Variants in CARS1 observed in about 807,000 individuals in gnomAD.
CARS1 encodes cysteinyl-tRNA synthetase 1.
Under a neutral mutation model 106.2 loss-of-function variants are expected in CARS1, and 48 were observed. The ratio of observed to expected loss-of-function variants is 0.45; its 90% CI spans 0.36 to 0.57. The LOEUF (loss-of-function observed/expected upper bound fraction) is 0.57, where lower values mean the gene tolerates loss of function less well. Ranked by LOEUF, CARS1 falls within the 20% of genes least tolerant of loss-of-function variation. The pLI is 0.00. For missense variants in CARS1, 968 were observed against 1,057.2 expected, an observed-to-expected ratio of 0.92 and a Z score of 1.17; for synonymous variants, 409 against 403.4, an observed-to-expected ratio of 1.01 and a Z score of -0.17.
intron 1 of CARS1, among the ~76,000 whole-genome samples, chr11:3,054,671 T>C (rs1856018064): frequency 6.6e-6 from 1 of 152,222 alleles, no homozygotes; most frequent in African/African-American, 2.4e-5. Context: ...GACAGATTGC[T>C]TGACTTCTCT....
At chr11:3,049,048 G>C (rs1296672478) in intron 1 of CARS1, among the ~76,000 whole-genome samples, 2 of 152,084 alleles carry the variant, frequency 1.3e-5, no homozygotes, top group African/African-American at 4.8e-5. Context: ...TTTTTCATTT[G>C]AGCCCCTGCT....
At position 3,052,255 on chromosome 11, in the gene CARS1, C is replaced by A. The variant is rs541144263; in HGVS notation, c.26-4254G>T. 4.6e-5 allele frequency among the ~76,000 whole-genome samples: 7 copies of A among 152,218 alleles called. No homozygotes were observed. Among genetic ancestry groups the A allele is most frequent in the African/African-American group, 1.7e-4 (7 of 41,462 alleles). The stretch of plus-strand genomic sequence containing the variant: ...GGCTGAGTACCTACACTCACACACA[C>A]GGCGGCATTTCCTCACGGTAAAACA... On this transcript the variant is annotated intron_variant, in intron 1 of 22. Transcript: ENST00000380525. This position sits in a 1 kb window ranked among gnomAD's most constrained non-coding sequence, Gnocchi z 4.6.
At chr11:3,026,949 G>C in intron 9 of CARS1, 152 bp from the exon 10 acceptor site, 1 of 851,288 alleles carries the variant, frequency 1.2e-6, no homozygotes, top group South Asian at 1.8e-5. Flanking sequence ...CGTATCAGCT[G>C]TTTGGACTGA....
In CARS1 at chr11:3,027,166, A is replaced by C. The variant is rs1026114231; in HGVS notation, c.1032-369T>G. ...CTGAGGCTCTTGGCCTCCAAGAAGC[A>C]CTCTAGATTACTCCAGTCTGGAATG... On this transcript the variant is annotated intron_variant, in intron 9 of 22. Coordinates refer to ENST00000380525, the MANE Select transcript of CARS1 (RefSeq NM_001014437.3). 4.0e-5 allele frequency: 7 copies of C among 176,870 alleles called. No homozygotes were observed. The East Asian group carries it at 1.1e-3, about 29-fold the overall frequency. 11.0% of individuals were successfully genotyped at this position (176,870 alleles called of 1,614,324 possible). A position where few individuals can be genotyped will look rare whatever the true frequency, so the allele number is the denominator to read the frequency against.
chr11:3,036,217 G>A (rs774972502), intron 7 of CARS1, among the ~76,000 whole-genome samples: 7 of 152,236 alleles, frequency 4.6e-5, no homozygotes, highest in Non-Finnish European at 7.3e-5. Flanking sequence ...GCTCCTCGCT[G>A]TGTCACTGCT....
rs1197346497 is a variant in CARS1, at chr11:3,050,050, C to T, written c.26-2049G>A. ...ATGCCCCACTGGGCCGAGCTCTTCA[C>T]CCGCCAGGGAGCCTACGGAGCCACG... On this transcript the variant is annotated intron_variant, in intron 1 of 22. Coordinates refer to ENST00000380525, the MANE Select transcript of CARS1 (RefSeq NM_001014437.3). The surrounding 1 kb of genome is among the most constrained non-coding windows in gnomAD (Gnocchi z 6.3). Among the ~76,000 whole-genome samples, 3 of 152,238 alleles carry T rather than the reference C, an allele frequency of 2.0e-5. No homozygotes were observed. The highest frequency in any genetic ancestry group is 4.4e-5 in the Non-Finnish European group (3 of 68,046).
Position 3,037,339 on chromosome 11 carries a change from T to C in CARS1, c.801+711A>G, listed in dbSNP as rs1853782007. ...AGACACAGACTCCCTGCCCCATCAC[T>C]GAGGTGGGGCCAGGGCAGTGGTGAG... On this transcript the variant is annotated intron_variant, in intron 7 of 22. Transcript: ENST00000380525. The surrounding 1 kb of genome is among the most constrained non-coding windows in gnomAD (Gnocchi z 5.9). Among the ~76,000 whole-genome samples, 1 of 152,180 alleles carries C rather than the reference T, an allele frequency of 6.6e-6. No individual in the cohort carries two copies. The highest frequency in any genetic ancestry group is 1.9e-4 in the East Asian group (1 of 5,200).
intron 1 of CARS1, among the ~76,000 whole-genome samples, chr11:3,055,794 C>T (rs1444524133): frequency 6.6e-6 from 1 of 152,234 alleles, no homozygotes; most frequent in Non-Finnish European, 1.5e-5. Context: ...ACTTTCAGCA[C>T]AGACACAGCA....
intron 18 of CARS1, chr11:3,007,827 CCT>C (rs1850047944): frequency 6.6e-6 from 1 of 152,332 alleles, no homozygotes; most frequent in African/African-American, 2.4e-5. Context: ...GCAGGCGCCC[CCT>C]CTGTGTCTCT....
At chr11:3,026,218 A>G (rs412842) in intron 10 of CARS1, among the ~76,000 whole-genome samples, 50,215 of 152,082 alleles carry the variant, frequency 0.33, 10,158 homozygotes, top group East Asian at 0.63. Context: ...CAGTGAGTGG[A>G]GAGAGGTTGG....
chr11:3,010,287 G>C (rs576105309), intron 18 of CARS1, among the ~76,000 whole-genome samples: 1 of 152,172 alleles, frequency 6.6e-6, no homozygotes, highest in Non-Finnish European at 1.5e-5. Context: ...AGTCTTGTAT[G>C]ACCCCAGGGA....
rs893822785 is a variant in CARS1, at chr11:3,043,412, C to G, written c.275-1156G>C. ...GCCCCCTCAGCAGATCCCCACTTTT[C>G]TCCACAGTCGTCGCCCACAGGTCCA... On this transcript the variant is annotated intron_variant, in intron 2 of 22. Coordinates refer to ENST00000380525, the MANE Select transcript of CARS1 (RefSeq NM_001014437.3). The surrounding 1 kb of genome is among the most constrained non-coding windows in gnomAD (Gnocchi z 4.0). Among the ~76,000 whole-genome samples, 1 of 152,040 alleles carries G rather than the reference C, an allele frequency of 6.6e-6. No individual in the cohort carries two copies. Among genetic ancestry groups the G allele is most frequent in the African/African-American group, 2.4e-5 (1 of 41,388 alleles).
intron 7 of CARS1, chr11:3,031,360 T>C (rs1002836324): frequency 1.3e-5 from 2 of 151,568 alleles, no homozygotes; most frequent in African/African-American, 4.9e-5. Context: ...AACAGGGAAA[T>C]ATACACACTT....
At position 3,002,523 on chromosome 11, in the gene CARS1, C is replaced by G. The variant is rs1565006588; in HGVS notation, c.2277+18G>C. The G allele has an allele frequency of 6.2e-7, 1 of 1,613,970 alleles. No homozygotes were observed. On this transcript the variant is annotated intron_variant, in intron 21 of 22. Transcript: ENST00000380525. ...CTCCTGCCCAGTAGAGCCCTCACCC[C>G]CAAACAAAATGCATTACTTCTTGTT...
rs1031917857 is a variant in CARS1 at position 3,028,953 on chromosome 11, G to A, written c.1031+43C>T. The A allele has an allele frequency of 1.5e-6, 2 of 1,375,912 alleles. No individual in the cohort carries two copies. The highest frequency in any genetic ancestry group is 1.0e-6 in the Non-Finnish European group (1 of 963,552). 85.2% of individuals were successfully genotyped at this position (1,375,912 alleles called of 1,614,324 possible). A position where few individuals can be genotyped will look rare whatever the true frequency, so the allele number is the denominator to read the frequency against. On this transcript the variant is annotated intron_variant, in intron 9 of 22. Transcript: ENST00000380525. This position sits in a 1 kb window ranked among gnomAD's most constrained non-coding sequence, Gnocchi z 4.4. ...GCTGGGGAGCTCCTCCCTGTGCGATGTTCTGCAGCCCTTCCCTCCCTAGGG... is the reference window on the plus strand; with the variant it reads ...GCTGGGGAGCTCCTCCCTGTGCGATATTCTGCAGCCCTTCCCTCCCTAGGG...
rs922595410 is a variant in CARS1 at position 3,029,585 on chromosome 11, A to G, written c.802-142T>C. The G allele has an allele frequency of 3.8e-6, 3 of 786,390 alleles. No individual in the cohort carries two copies. The highest frequency in any genetic ancestry group is 4.0e-6 in the Non-Finnish European group (2 of 503,978). 48.7% of individuals were successfully genotyped at this position (786,390 alleles called of 1,614,324 possible). A position where few individuals can be genotyped will look rare whatever the true frequency, so the allele number is the denominator to read the frequency against. On this transcript the variant is annotated intron_variant, in intron 7 of 22. Coordinates refer to ENST00000380525, the MANE Select transcript of CARS1 (RefSeq NM_001014437.3). The surrounding 1 kb of genome is among the most constrained non-coding windows in gnomAD (Gnocchi z 5.9). ...TGAAGAGCCACCGTCTCCTAGGGAGACTGTGATGCTTACACAACTGGCTCG... is the reference window on the plus strand; with the variant it reads ...TGAAGAGCCACCGTCTCCTAGGGAGGCTGTGATGCTTACACAACTGGCTCG...
chr11:3,035,547 G>A (rs896078998), intron 7 of CARS1, among the ~76,000 whole-genome samples: 11 of 152,096 alleles, frequency 7.2e-5, no homozygotes, highest in African/African-American at 2.4e-4. Flanking sequence ...GTGCAGTGGT[G>A]TGTTCATGGC....
At chr11:3,023,389 T>C (rs1458817541) in intron 10 of CARS1, among the ~76,000 whole-genome samples, 2 of 152,214 alleles carry the variant, frequency 1.3e-5, no homozygotes, top group Admixed American at 6.5e-5. Context: ...CAAACATACA[T>C]ACATACATAC....
At position 3,043,765 on chromosome 11, in the gene CARS1, C is replaced by T. The variant is rs942690276; in HGVS notation, c.275-1509G>A. On this transcript the variant is annotated intron_variant, in intron 2 of 22. Coordinates refer to ENST00000380525, the MANE Select transcript of CARS1 (RefSeq NM_001014437.3). The surrounding 1 kb of genome is among the most constrained non-coding windows in gnomAD (Gnocchi z 4.0). ...AGGCCACACGAGCCAGGACGGCAGA[C>T]GCTGATGACTAACAGGCCAAGGGGA... is the stretch of plus-strand genomic sequence containing the variant. Among the ~76,000 whole-genome samples the T allele has an allele frequency of 3.6e-4, 55 of 152,086 alleles. No individual in the cohort carries two copies. The highest frequency in any genetic ancestry group is 7.2e-4 in the Non-Finnish European group (49 of 68,026).
Sources: gnomAD v4.1 joint callset for allele counts (sites outside exome capture counted in the v4.1 genomes callset) on GRCh38, gnomAD v4.1.1 for gene constraint, Gnocchi (gnomAD v3.1) non-coding constraint, MANE v1.5 for transcripts, NCBI Gene and HGNC (gene_info 2026-07-23, HGNC 2026-07-21) for gene names.